Variants in GDA observed in about 807,000 individuals in gnomAD.
GDA encodes cytoplasmic PSD-95 interactor.
Under a neutral mutation model 59.6 loss-of-function variants are expected in GDA, and 18 were observed. The ratio of observed to expected loss-of-function variants is 0.30; its 90% CI spans 0.21 to 0.45. The LOEUF (loss-of-function observed/expected upper bound fraction) is 0.45, where lower values mean the gene tolerates loss of function less well. GDA is among the 20% of genes least tolerant of loss of function. The pLI, the probability that GDA is intolerant of heterozygous loss-of-function variation, is 1.00. For missense variants in GDA, 427 were observed against 552.3 expected (o/e 0.77, Z 2.27); for synonymous variants, 201 against 201.1 (o/e 1.00, Z 0.00).
chr9:72,214,881 G>A (rs1352173257), intron 5 of GDA: 2 of 185,138 alleles, frequency 1.1e-5, no homozygotes, highest in South Asian at 7.8e-5. Flanking sequence ...TTACAGGCAC[G>A]TGCCACCACA....
At chr9:72,148,572 G>A (rs974536118), upstream of GDA, among the ~76,000 whole-genome samples, 1 of 152,094 alleles carries the variant, frequency 6.6e-6, no homozygotes, top group African/African-American at 2.4e-5. Context: ...AGGGATTAGG[G>A]GCAGAAGGAA....
downstream of GDA, among the ~76,000 whole-genome samples, chr9:72,255,954 A>G (rs1489221308): frequency 6.9e-6 from 1 of 144,028 alleles, no homozygotes; most frequent in East Asian, 2.0e-4. Context: ...TGCCCAGACT[A>G]AATAAGAAGT....
At chr9:72,208,584 C>T (rs2131407389) in intron 3 of GDA, among the ~76,000 whole-genome samples, 1 of 152,220 alleles carries the variant, frequency 6.6e-6, no homozygotes, top group Non-Finnish European at 1.5e-5. Flanking sequence ...GTTTAATGCC[C>T]ACTCCCTGGA....
intron 1 of GDA, among the ~76,000 whole-genome samples, chr9:72,126,878 G>A (rs1272564730): frequency 1.3e-5 from 2 of 151,948 alleles, no homozygotes; most frequent in East Asian, 3.9e-4. Context: ...AACCTGGTTA[G>A]TTTTTTCTCC....
chr9:72,214,352 C>A (rs1015648898), intron 5 of GDA, among the ~76,000 whole-genome samples: 2 of 151,240 alleles, frequency 1.3e-5, no homozygotes, highest in Non-Finnish European at 2.9e-5. Flanking sequence ...GGTCTCAGCT[C>A]ACTGCAACCT....
At chr9:72,214,727 TTTTTTTC>T in intron 5 of GDA, 2 of 350,074 alleles carry the variant, frequency 5.7e-6, no homozygotes, top group Non-Finnish European at 5.4e-6. Flanking sequence ...AGTTCTTTTT[TTTTTTTC>T]TTTTCTTTTC....
In GDA at chr9:72,223,174, A is replaced by G. The variant is rs1237934385; in HGVS notation, c.661A>G (p.Thr221Ala). 6.2e-7 allele frequency: 1 copy of G among 1,613,268 alleles called. No individual in the cohort carries two copies. The highest frequency in any genetic ancestry group is 1.3e-5 in the African/African-American group (1 of 74,896). ...ACGTTTTTCCCTCTCCTGCTCTGAG[A>G]CTTTGATGGGTGAACTGGGCAACAT... Reference protein sequence around the residue: ...TPRFSLSCSETLMGELGNIAK... With the variant: ...TPRFSLSCSEALMGELGNIAK... The change falls in exon 7 of 14, where the codon ACT becomes GCT. Residue 221 changes from threonine to alanine, a missense_variant. Transcript: ENST00000358399.
Position 72,192,980 on chromosome 9 carries a change from A to G in GDA, c.124-2520A>G, listed in dbSNP as rs561201418. ...CAGGATTTTTCCTTGATTCTTTTTA[A>G]TTATTTCAATCTCTGTTAAATTTGT... On this transcript the variant is annotated intron_variant, in intron 1 of 13. Coordinates refer to ENST00000358399, the MANE Select transcript of GDA (RefSeq NM_004293.5). 5.3e-5 allele frequency among the ~76,000 whole-genome samples: 8 copies of G among 152,200 alleles called. No homozygotes were observed. In the South Asian group the frequency reaches 1.5e-3, roughly 28 times the overall value.
chr9:72,119,654 G>T (rs541354544), intron 1 of GDA, among the ~76,000 whole-genome samples: 1 of 152,064 alleles, frequency 6.6e-6, no homozygotes, highest in Admixed American at 6.6e-5. Flanking sequence ...TATTCTTAAC[G>T]TGTTGTTTTG....
upstream of GDA, among the ~76,000 whole-genome samples, chr9:72,147,726 C>G (rs1826717206): frequency 6.6e-6 from 1 of 151,864 alleles, no homozygotes; most frequent in Non-Finnish European, 1.5e-5. Flanking sequence ...CTGATTGAAT[C>G]CTATCTCAAA....
At chr9:72,133,991 G>C (rs1421416827) in intron 1 of GDA, among the ~76,000 whole-genome samples, 2 of 152,210 alleles carry the variant, frequency 1.3e-5, no homozygotes, top group Admixed American at 6.5e-5. Context: ...TTCTCATGTA[G>C]TGTGTAAGAA....
chr9:72,156,552 T>A (rs1422571901), intron 1 of GDA, among the ~76,000 whole-genome samples: 3 of 152,200 alleles, frequency 2.0e-5, no homozygotes, highest in Non-Finnish European at 4.4e-5. Flanking sequence ...TATTACAAGA[T>A]CATCTTGCAA....
intron 3 of GDA, among the ~76,000 whole-genome samples, chr9:72,206,144 T>A (rs1046239565): frequency 2.6e-5 from 4 of 152,230 alleles, no homozygotes; most frequent in African/African-American, 9.6e-5. Context: ...AGGTTAATTT[T>A]TATGATTATT....
At chr9:72,166,066 G>A (rs545532596) in intron 1 of GDA, among the ~76,000 whole-genome samples, 23 of 152,188 alleles carry the variant, frequency 1.5e-4, no homozygotes, top group African/African-American at 5.3e-4. Flanking sequence ...CAACACATAG[G>A]TGACTCACAT....
chr9:72,149,616 C>T lies in GDA; in HGVS notation c.57C>T (p.His19=), dbSNP rs756123213. The stretch of plus-strand genomic sequence containing the variant: ...ACATCTTCCGAGGGACGTTCGTCCA[C>T]TCCACCTGGACCTGCCCCATGGAGG... ...LAHIFRGTFV[H]STWTCPMEVL... Residue 19 remains histidine (H), a synonymous_variant, in exon 1 of 14, where the codon CAC becomes CAT. Transcript: ENST00000358399. The T allele has an allele frequency of 9.9e-6, 16 of 1,611,596 alleles. No individual in the cohort carries two copies. The East Asian group carries it at 3.4e-4, about 34-fold the overall frequency.
At chr9:72,155,449 G>A (rs1587379587) in intron 1 of GDA, among the ~76,000 whole-genome samples, 1 of 152,256 alleles carries the variant, frequency 6.6e-6, no homozygotes, top group South Asian at 2.1e-4. Context: ...TAGGTAAGGT[G>A]GACAGCATTG....
rs1379349527 is a variant in GDA, at chr9:72,250,744, T to C, written c.*2402T>C. The C allele has an allele frequency of 2.5e-6, 4 of 1,612,170 alleles. No homozygotes were observed. The highest frequency in any genetic ancestry group is 3.4e-6 in the Non-Finnish European group (4 of 1,179,370). On this transcript the variant is annotated 3_prime_UTR_variant, in exon 14 of 14. Coordinates refer to ENST00000358399, the MANE Select transcript of GDA (RefSeq NM_004293.5). ...CTTTTTGTTTTAATATCTTGCTCTCTGACAGGAAAGAAACAATTCACTTAC... is the reference window on the plus strand; with the variant it reads ...CTTTTTGTTTTAATATCTTGCTCTCCGACAGGAAAGAAACAATTCACTTAC...
At chr9:72,222,470 G>C (rs942065118) in intron 6 of GDA, among the ~76,000 whole-genome samples, 2 of 152,080 alleles carry the variant, frequency 1.3e-5, no homozygotes, top group Non-Finnish European at 2.9e-5. Context: ...TTAGACTTTT[G>C]TCAGATGCAT....
chr9:72,121,616 T>C (rs530339535), intron 1 of GDA, among the ~76,000 whole-genome samples: 1 of 151,992 alleles, frequency 6.6e-6, no homozygotes, highest in Non-Finnish European at 1.5e-5. Flanking sequence ...AAAAAAAGAT[T>C]CTGTCTTAAT....
Sources: gnomAD v4.1 joint callset for allele counts (sites outside exome capture counted in the v4.1 genomes callset) on GRCh38, gnomAD v4.1.1 for gene constraint, MANE v1.5 for transcripts, NCBI Gene and HGNC (gene_info 2026-07-23, HGNC 2026-07-21) for gene names.